Variants in C5 observed in about 807,000 individuals in gnomAD.
C5 encodes C3 and PZP-like alpha-2-macroglobulin domain-containing protein 4.
C5 carries 140 observed loss-of-function variants against 218.8 expected under a neutral mutation model. That is an observed-to-expected ratio of 0.64 (90% CI 0.56 to 0.74). The LOEUF is 0.74. Among genes scored for constraint, C5 ranks in the 30% least tolerant of loss-of-function variants. C5 has a pLI of 0.00. For synonymous variants in C5, 614 were observed against 682.3 expected (o/e 0.90, Z 1.56); for missense variants, 1,700 against 1,969.6 (o/e 0.86, Z 2.59).
rs774382864 is a variant in C5, at chr9:121,021,589, T to G, written c.1222A>C (p.Lys408Gln). The change falls in exon 11 of 41, where the codon AAA (lysine) becomes CAA (glutamine). Residue 408 changes from lysine (K) to glutamine (Q), a missense_variant. By Grantham distance (53) the Lys-to-Gln change is moderately conservative. Transcript: ENST00000223642. ...NQETSDLDPS[K>Q]SVTRVDDGVA... ...CCATCATCAACACGTGTTACACTTT[T>G]GCTTGGATCCAAGTCAGATGTCTCT... is the stretch of plus-strand genomic sequence containing the variant. 3.1e-6 allele frequency: 5 copies of G among 1,613,858 alleles called. No homozygotes were observed. The highest frequency in any genetic ancestry group is 4.2e-6 in the Non-Finnish European group (5 of 1,179,872).
upstream of C5, among the ~76,000 whole-genome samples, chr9:121,050,866 C>T (rs1361328551): frequency 6.6e-6 from 1 of 152,072 alleles, no homozygotes; most frequent in East Asian, 1.9e-4. Context: ...GCAATGAAAA[C>T]GCCATGTGGA....
rs999367975 is a variant in C5, at chr9:121,000,566, A to G, written c.2563-2792T>C. 2.0e-5 allele frequency among the ~76,000 whole-genome samples: 3 copies of G among 152,310 alleles called. No homozygotes were observed. In the South Asian group the frequency reaches 6.2e-4, roughly 32 times the overall value. ...GAAAAGCATGAATTCCTTAACAAAT[A>G]CTGCTGGATCATCTGGCTATTTGGG... On this transcript the variant is annotated intron_variant, in intron 20 of 40. Coordinates refer to ENST00000223642, the MANE Select transcript of C5 (RefSeq NM_001735.3).
intron 7 of C5, 100 bp from the exon 8 acceptor site, chr9:121,027,374 C>T (rs2047433650): frequency 2.8e-6 from 2 of 711,406 alleles, no homozygotes; most frequent in South Asian, 3.0e-5. Context: ...ACTTGAGGCA[C>T]TTTAAAGTGT....
At chr9:121,014,144 G>A in intron 16 of C5, 74 bp from the exon 17 acceptor site, 1 of 1,321,942 alleles carries the variant, frequency 7.6e-7, no homozygotes, top group Non-Finnish European at 1.1e-6. Flanking sequence ...GAATCTCAAG[G>A]GATACCTGGT....
chr9:120,961,605 T>C, intron 36 of C5, 40 bp from the exon 37 acceptor site: 4 of 1,264,534 alleles, frequency 3.2e-6, no homozygotes, highest in Non-Finnish European at 4.6e-6. Context: ...GTGGTTTGAT[T>C]GAAGAACAAC....
chr9:120,999,920 A>G (rs911850858), intron 20 of C5: 2 of 450,566 alleles, frequency 4.4e-6, no homozygotes. Context: ...TTGGCTGGGC[A>G]TGGTGGTGTG....
Position 121,021,660 on chromosome 9 carries a change from C to T in C5, c.1151G>A (p.Gly384Glu). The stretch of plus-strand genomic sequence containing the variant: ...TGCATTCAGTGTTACTGGGACTCCT[C>T]CTACCAACTGGTCAAGCGAATCTTT... ...QVKDSLDQLV[G>E]GVPVTLNAQT... Residue 384 changes from glycine (G) to glutamate (E), a missense_variant, in exon 11 of 41, where the codon GGA becomes GAA. Coordinates refer to ENST00000223642, the MANE Select transcript of C5 (RefSeq NM_001735.3). 1 of 1,614,036 alleles carries T rather than the reference C, an allele frequency of 6.2e-7. No individual in the cohort carries two copies. The highest frequency in any genetic ancestry group is 8.5e-7 in the Non-Finnish European group (1 of 1,179,940).
chr9:121,064,529 T>C, the C5 span, among the ~76,000 whole-genome samples: 1 of 152,226 alleles, frequency 6.6e-6, no homozygotes, highest in Non-Finnish European at 1.5e-5. Context: ...TCTGATATTT[T>C]GAATGTCATT....
Position 121,015,262 on chromosome 9 carries a change from C to G in C5, c.1997-1G>C. 2 of 1,599,112 alleles carry G rather than the reference C, an allele frequency of 1.3e-6. No individual in the cohort carries two copies. Among genetic ancestry groups the G allele is most frequent in the Non-Finnish European group, 1.7e-6 (2 of 1,168,966 alleles). On this transcript the variant is annotated splice_acceptor_variant, in intron 15 of 40. Coordinates refer to ENST00000223642, the MANE Select transcript of C5 (RefSeq NM_001735.3). LOFTEE classifies it high-confidence loss of function. ...CTGAGAATTTCTTTACAAGGTTCAT[C>G]TGGTTTTTTTAAAAAAAGATAAAGA... is the stretch of plus-strand genomic sequence containing the variant.
chr9:121,049,852 C>T (rs2047658517), intron 1 of C5, among the ~76,000 whole-genome samples: 2 of 152,036 alleles, frequency 1.3e-5, no homozygotes, highest in Admixed American at 6.6e-5. Flanking sequence ...CTATGAAAAA[C>T]ACAAAGAAAA....
At chr9:121,002,264 ATATATATGTATATATACG>A (rs2047173845) in intron 20 of C5, among the ~76,000 whole-genome samples, 1 of 93,250 alleles carries the variant, frequency 1.1e-5, no homozygotes, top group Non-Finnish European at 2.1e-5. Flanking sequence ...GTATATATGT[ATATATATGTATATATACG>A]TATATATGTA....
At chr9:121,018,084 C>T (rs1324392430) in intron 12 of C5, among the ~76,000 whole-genome samples, 2 of 151,322 alleles carry the variant, frequency 1.3e-5, no homozygotes, top group Non-Finnish European at 2.9e-5. Context: ...GAAACACCAT[C>T]TCTACTAAAA....
chr9:121,072,422 G>T, the C5 span, among the ~76,000 whole-genome samples: 1 of 152,146 alleles, frequency 6.6e-6, no homozygotes, highest in Non-Finnish European at 1.5e-5. Flanking sequence ...AAACCGAAAC[G>T]ATGGGTGTCA....
At chr9:121,026,229 G>A (rs567185525) in intron 8 of C5, among the ~76,000 whole-genome samples, 15 of 152,136 alleles carry the variant, frequency 9.9e-5, no homozygotes, top group Admixed American at 5.9e-4. Flanking sequence ...AAATGAATAC[G>A]AAAAAGTGAG....
At chr9:121,017,223 G>A in intron 14 of C5, 139 bp downstream of exon 14, 2 of 936,970 alleles carry the variant, frequency 2.1e-6, no homozygotes, top group Non-Finnish European at 3.3e-6. Flanking sequence ...CTGACAGGAG[G>A]ATGGTTTACC....
At chr9:121,017,986 C>T in intron 12 of C5, 134 bp from the exon 13 acceptor site, 1 of 663,286 alleles carries the variant, frequency 1.5e-6, no homozygotes, top group Non-Finnish European at 2.7e-6. Flanking sequence ...GGCACAGTGG[C>T]TCACACCTGT....
At chr9:121,029,090 A>G (rs2047451498) in intron 7 of C5, among the ~76,000 whole-genome samples, 1 of 152,222 alleles carries the variant, frequency 6.6e-6, no homozygotes, top group African/African-American at 2.4e-5. Context: ...AAAAATTTAA[A>G]CTGCATGTTT....
At chr9:121,012,793 A>G (rs1465865419) in intron 17 of C5, among the ~76,000 whole-genome samples, 4 of 152,332 alleles carry the variant, frequency 2.6e-5, no homozygotes, top group East Asian at 3.9e-4. Flanking sequence ...CTCCTAGGCT[A>G]CAAACCTGTA....
In C5 at chr9:120,989,772, C is replaced by T. The variant is rs776632694; in HGVS notation, c.2950G>A (p.Val984Ile). Residue 984 changes from valine (V) to isoleucine (I), a missense_variant, in exon 24 of 41, where the codon GTA (valine) becomes ATA (isoleucine). Coordinates refer to ENST00000223642, the MANE Select transcript of C5 (RefSeq NM_001735.3). ...KRILSVKGLL[V>I]GEILSAVLSQ... is the part of the protein sequence containing the mutation. ...AGAACTGCAGACAAGATCTCACCTA[C>T]AAGCAGTCCTGAAACAAAAAAGATC... The T allele has an allele frequency of 4.3e-6, 7 of 1,613,754 alleles. No homozygotes were observed. The highest frequency in any genetic ancestry group is 5.1e-6 in the Non-Finnish European group (6 of 1,179,686).
Sources: allele counts gnomAD v4.1 joint callset (sites outside exome capture counted in the v4.1 genomes callset), GRCh38; gene constraint gnomAD v4.1.1; transcripts MANE v1.5; gene names NCBI Gene and HGNC (gene_info 2026-07-23, HGNC 2026-07-21).